BLTP3A: variants seen among roughly 807,000 people sequenced by gnomAD.
BLTP3A encodes ICBP90 binding protein 1.
the BLTP3A span, chr6:34,792,092 C>A: frequency 2.0e-6 from 1 of 495,022 alleles, no homozygotes; most frequent in Non-Finnish European, 3.1e-6. Flanking sequence ...CGTGGCGGAG[C>A]GCCAGGCGCC....
At chr6:34,835,072 C>T in the BLTP3A span, among the ~76,000 whole-genome samples, 4 of 152,082 alleles carry the variant, frequency 2.6e-5, no homozygotes, top group East Asian at 1.9e-4. Context: ...AATTTTTACT[C>T]GTATGTAGGG....
chr6:34,871,084 AT>A, the BLTP3A span: 1 of 1,614,012 alleles, frequency 6.2e-7, no homozygotes, highest in Non-Finnish European at 8.5e-7. Context: ...CCCCATGCAG[AT>A]TGAGCTTCTG....
At chr6:34,855,286 C>T in the BLTP3A span, among the ~76,000 whole-genome samples, 1 of 152,192 alleles carries the variant, frequency 6.6e-6, no homozygotes, top group African/African-American at 2.4e-5. Flanking sequence ...GGGAAACAGT[C>T]AAGGCTATAG....
At chr6:34,863,713 G>A in the BLTP3A span, among the ~76,000 whole-genome samples, 84 of 152,276 alleles carry the variant, frequency 5.5e-4, no homozygotes, top group African/African-American at 2.0e-3. Context: ...TAGGTAGCTG[G>A]TCTCTTCTGA....
the BLTP3A span, among the ~76,000 whole-genome samples, chr6:34,813,258 A>T: frequency 3.9e-5 from 6 of 152,178 alleles, no homozygotes; most frequent in Non-Finnish European, 7.4e-5. Context: ...CAGCTTTACC[A>T]CTGGCAAGCT....
the BLTP3A span, among the ~76,000 whole-genome samples, chr6:34,868,138 C>A: frequency 1.3e-5 from 2 of 151,432 alleles, no homozygotes; most frequent in Non-Finnish European, 2.9e-5. Flanking sequence ...AAAACGCTGT[C>A]TCTACTAAAA....
At chr6:34,800,752 T>A in the BLTP3A span, among the ~76,000 whole-genome samples, 4 of 152,172 alleles carry the variant, frequency 2.6e-5, no homozygotes, top group African/African-American at 9.7e-5. Context: ...AGTTGGTATC[T>A]GTTTGTCACA....
the BLTP3A span, chr6:34,872,577 TGG>T: frequency 9.0e-7 from 1 of 1,108,074 alleles, no homozygotes; most frequent in Non-Finnish European, 1.2e-6. Flanking sequence ...TTCACTTGTG[TGG>T]GTGTGCTTTC....
At chr6:34,821,252 G>A in the BLTP3A span, among the ~76,000 whole-genome samples, 2 of 152,160 alleles carry the variant, frequency 1.3e-5, no homozygotes, top group South Asian at 4.1e-4. Flanking sequence ...CACTGCGCCC[G>A]GCTCCCTCTG....
chr6:34,834,771 T>C, the BLTP3A span: 1 of 1,614,222 alleles, frequency 6.2e-7, no homozygotes, highest in East Asian at 2.2e-5. Context: ...TTGAGGCAGA[T>C]GCTACAGACA....
the BLTP3A span, among the ~76,000 whole-genome samples, chr6:34,819,880 G>A: frequency 1.3e-5 from 2 of 152,318 alleles, no homozygotes; most frequent in Admixed American, 6.5e-5. Context: ...GTTTCCTATG[G>A]TCTGGATTTT....
chr6:34,834,583 A>G, the BLTP3A span: 3 of 1,369,064 alleles, frequency 2.2e-6, no homozygotes, highest in East Asian at 2.3e-5. Context: ...TGGATCCCCA[A>G]TTCACTGCTT....
chr6:34,814,268 G>A, the BLTP3A span, among the ~76,000 whole-genome samples: 4 of 152,108 alleles, frequency 2.6e-5, no homozygotes, highest in Non-Finnish European at 5.9e-5. Context: ...ACCTGCCTTG[G>A]CCTCCCAAAC....
chr6:34,792,393 C>T, the BLTP3A span: 2 of 1,234,150 alleles, frequency 1.6e-6, no homozygotes, highest in Admixed American at 3.1e-5. Flanking sequence ...CTGCCTCTCT[C>T]CAGCCCGGAG....
At chr6:34,845,628 G>T in the BLTP3A span, among the ~76,000 whole-genome samples, 1 of 151,782 alleles carries the variant, frequency 6.6e-6, no homozygotes, top group Non-Finnish European at 1.5e-5. Flanking sequence ...ATGGAGTCTT[G>T]CTCTGTCACC....
chr6:34,835,253 A>G, the BLTP3A span: 9 of 1,600,188 alleles, frequency 5.6e-6, no homozygotes, highest in East Asian at 1.8e-4. Flanking sequence ...AGTTGGAATG[A>G]TACGAGGTGA....
At chr6:34,847,512 T>A in the BLTP3A span, among the ~76,000 whole-genome samples, 1 of 152,162 alleles carries the variant, frequency 6.6e-6, no homozygotes, top group Non-Finnish European at 1.5e-5. Flanking sequence ...GGTTTTGGAT[T>A]TCTTCATGGT....
At chr6:34,844,082 A>G in the BLTP3A span, among the ~76,000 whole-genome samples, 1,289 of 151,580 alleles carry the variant, frequency 8.5e-3, 19 homozygotes, top group African/African-American at 0.027. Context: ...CCAGGTTCAC[A>G]CCATTCTCCT....
At chr6:34,858,745 G>A in the BLTP3A span, 1 of 1,614,106 alleles carries the variant, frequency 6.2e-7, no homozygotes, top group African/African-American at 1.3e-5. Context: ...TCTGAAAGAA[G>A]GCAGTAGTGG....
Sources: gnomAD v4.1 joint callset for allele counts (sites outside exome capture counted in the v4.1 genomes callset) on GRCh38, gnomAD v4.1.1 for gene constraint, MANE v1.5 for transcripts, NCBI Gene and HGNC (gene_info 2026-07-23, HGNC 2026-07-21) for gene names.